Variants in ZMAT4 observed in about 807,000 individuals in gnomAD.
The protein encoded by ZMAT4 is zinc finger matrin-type protein 4.
ZMAT4 carries 17 observed loss-of-function variants against 28.7 expected under a neutral mutation model. That is an observed-to-expected ratio of 0.59 (90% CI 0.41 to 0.89). The LOEUF (loss-of-function observed/expected upper bound fraction) is 0.89. ZMAT4 is among the 40% of genes least tolerant of loss of function. The probability of loss-of-function intolerance (pLI) is 0.00; values close to 1 mark genes in which losing one functional copy is unlikely to be tolerated. For missense variants in ZMAT4, 240 were observed against 283.8 expected (o/e 0.85, Z 1.11); for synonymous variants, 117 against 109.2 (o/e 1.07, Z -0.44).
intron 1 of ZMAT4, among the ~76,000 whole-genome samples, chr8:40,832,746 C>T (rs1563514884): frequency 6.6e-6 from 1 of 152,180 alleles, no homozygotes; most frequent in Non-Finnish European, 1.5e-5. Flanking sequence ...AGGCCTTCCG[C>T]TGTTGTTTAA....
chr8:40,599,050 A>T (rs2118605545), intron 5 of ZMAT4, among the ~76,000 whole-genome samples: 1 of 152,328 alleles, frequency 6.6e-6, no homozygotes, highest in African/African-American at 2.4e-5. Context: ...ATTGACCTTT[A>T]GTCTAATGCC....
At chr8:40,598,037 G>A (rs563969505) in intron 5 of ZMAT4, among the ~76,000 whole-genome samples, 82 of 136,770 alleles carry the variant, frequency 6.0e-4, no homozygotes, top group Non-Finnish European at 1.1e-3. Flanking sequence ...CAAAGACTAT[G>A]TGCATTTTTA....
intron 1 of ZMAT4, among the ~76,000 whole-genome samples, chr8:40,828,330 C>T (rs969589577): frequency 6.6e-6 from 1 of 152,180 alleles, no homozygotes; most frequent in Non-Finnish European, 1.5e-5. Flanking sequence ...CCTGCTATTT[C>T]TAATGAAGAA....
chr8:40,579,460 C>T (rs1804380004), intron 6 of ZMAT4, among the ~76,000 whole-genome samples: 1 of 152,104 alleles, frequency 6.6e-6, no homozygotes, highest in Admixed American at 6.5e-5. Flanking sequence ...TATTCCATAA[C>T]AAATCAAGGA....
intron 5 of ZMAT4, among the ~76,000 whole-genome samples, chr8:40,648,486 T>C (rs1807462215): frequency 6.6e-6 from 1 of 151,182 alleles, no homozygotes; most frequent in African/African-American, 2.4e-5. Context: ...TGGAACCAAG[T>C]TGGAAAACAC....
intron 1 of ZMAT4, among the ~76,000 whole-genome samples, chr8:40,872,640 C>A (rs934331772): frequency 6.6e-6 from 1 of 152,156 alleles, no homozygotes; most frequent in African/African-American, 2.4e-5. Flanking sequence ...AGTACTCCTT[C>A]CAGCAGTCCC....
intron 5 of ZMAT4, among the ~76,000 whole-genome samples, chr8:40,654,288 C>G (rs1807819744): frequency 6.6e-6 from 1 of 152,126 alleles, no homozygotes. Context: ...TAGAAGTTTC[C>G]TGAACCTCCT....
intron 6 of ZMAT4, among the ~76,000 whole-genome samples, chr8:40,543,865 G>T (rs1803116578): frequency 6.6e-6 from 1 of 152,176 alleles, no homozygotes; most frequent in African/African-American, 2.4e-5. Flanking sequence ...CATTATCGAT[G>T]ATTTGCTTAT....
intron 2 of ZMAT4, among the ~76,000 whole-genome samples, chr8:40,800,452 T>A (rs891059231): frequency 1.3e-5 from 2 of 152,140 alleles, no homozygotes; most frequent in African/African-American, 4.8e-5. Flanking sequence ...CTCAAACTTA[T>A]TTAGGACATG....
At chr8:40,693,079 T>G (rs1809725221) in intron 4 of ZMAT4, among the ~76,000 whole-genome samples, 1 of 152,156 alleles carries the variant, frequency 6.6e-6, no homozygotes, top group South Asian at 2.1e-4. Context: ...TGAGATCATA[T>G]TGGATTAAAG....
At chr8:40,672,692 G>C (rs1036179259) in intron 5 of ZMAT4, among the ~76,000 whole-genome samples, 1 of 152,142 alleles carries the variant, frequency 6.6e-6, no homozygotes, top group East Asian at 1.9e-4. Flanking sequence ...ATAATAACTG[G>C]CACCAAACAT....
intron 4 of ZMAT4, among the ~76,000 whole-genome samples, chr8:40,694,691 T>C (rs184961713): frequency 9.2e-5 from 14 of 152,182 alleles, no homozygotes; most frequent in Admixed American, 7.8e-4. Context: ...GCCTCAGAAG[T>C]GAAGTTTTTC....
intron 2 of ZMAT4, among the ~76,000 whole-genome samples, chr8:40,809,910 G>T (rs1406742375): frequency 1.3e-5 from 2 of 152,026 alleles, no homozygotes; most frequent in African/African-American, 4.8e-5. Flanking sequence ...TGAGCATGGT[G>T]GCGGGCACCT....
intron 1 of ZMAT4, among the ~76,000 whole-genome samples, chr8:40,869,672 G>A (rs367861606): frequency 1.3e-5 from 2 of 152,166 alleles, no homozygotes; most frequent in East Asian, 1.9e-4. Context: ...TCACAATCAC[G>A]AGAAAATGTG....
chr8:40,644,966 C>G lies in ZMAT4; in HGVS notation c.577+29738G>C, dbSNP rs370759906. Among the ~76,000 whole-genome samples, 25 of 152,182 alleles carry G rather than the reference C, an allele frequency of 1.6e-4. No individual in the cohort carries two copies. In the East Asian group the frequency reaches 4.1e-3, roughly 25 times the overall value. ...GCTTTCAAAACTATTAAATCGCCAA[C>G]AACAAGGAAAGCCTATGAAACTGTC... On this transcript the variant is annotated intron_variant, in intron 5 of 6. Transcript: ENST00000297737.
At chr8:40,842,568 T>A (rs1034170239) in intron 1 of ZMAT4, among the ~76,000 whole-genome samples, 2 of 152,170 alleles carry the variant, frequency 1.3e-5, no homozygotes, top group African/African-American at 2.4e-5. Flanking sequence ...GCCTGCACTC[T>A]TCCACTTGAT....
intron 3 of ZMAT4, among the ~76,000 whole-genome samples, chr8:40,722,212 G>C (rs1811131375): frequency 6.6e-6 from 1 of 151,982 alleles, no homozygotes; most frequent in Admixed American, 6.6e-5. Context: ...CACAGCAAAA[G>C]AAACTACCAT....
intron 3 of ZMAT4, among the ~76,000 whole-genome samples, chr8:40,706,317 G>T (rs1306407151): frequency 2.0e-5 from 3 of 152,174 alleles, no homozygotes; most frequent in African/African-American, 7.2e-5. Flanking sequence ...GCCTCCCAAA[G>T]TGCTGGGATT....
chr8:40,892,383 C>G (rs181809203), intron 1 of ZMAT4, among the ~76,000 whole-genome samples: 1 of 152,134 alleles, frequency 6.6e-6, no homozygotes, highest in Non-Finnish European at 1.5e-5. Flanking sequence ...ACTCAGGAGC[C>G]CCCCCAGGGA....
Sources: gnomAD v4.1 joint callset for allele counts (sites outside exome capture counted in the v4.1 genomes callset) on GRCh38, gnomAD v4.1.1 for gene constraint, MANE v1.5 for transcripts, NCBI Gene and HGNC (gene_info 2026-07-23, HGNC 2026-07-21) for gene names.